The following LAMA2 variants were observed in gnomAD, a reference collection of about 807,000 sequenced individuals.
LAMA2 encodes the protein laminin subunit alpha-2.
In LAMA2, 269 loss-of-function variants were observed where a neutral mutation model predicts 364.8. The ratio of observed to expected loss-of-function variants is 0.74; its 90% CI spans 0.67 to 0.82. LAMA2 has a LOEUF of 0.82. LAMA2 is among the 40% of genes least tolerant of loss of function. The pLI, the probability that LAMA2 is intolerant of heterozygous loss-of-function variation, is 0.00. For missense variants in LAMA2, 3,807 were observed against 3,873.2 expected, an observed-to-expected ratio of 0.98 and a Z score of 0.45; for synonymous variants, 1,379 against 1,370.6, an observed-to-expected ratio of 1.01 and a Z score of -0.14.
chr6:129,251,806 G>A (rs753182013), intron 13 of LAMA2, among the ~76,000 whole-genome samples: 3 of 151,974 alleles, frequency 2.0e-5, no homozygotes, highest in Non-Finnish European at 4.4e-5. Context: ...TTGGTGGCAG[G>A]CGCCTGTAAT....
At chr6:129,104,722 C>T (rs926735592) in intron 4 of LAMA2, among the ~76,000 whole-genome samples, 38 of 152,080 alleles carry the variant, frequency 2.5e-4, no homozygotes, top group African/African-American at 9.2e-4. Flanking sequence ...TTGTTTGTTA[C>T]TCCAGTTACT....
At chr6:129,348,871 AAAT>A in intron 30 of LAMA2, among the ~76,000 whole-genome samples, 1 of 152,136 alleles carries the variant, frequency 6.6e-6, no homozygotes, top group East Asian at 1.9e-4. Context: ...TCAAGAAAAA[AAAT>A]TTATATAGAT....
Position 129,035,643 on chromosome 6 carries a change from C to T in LAMA2, c.113-14275C>T, listed in dbSNP as rs571224141. ...TTTCTTTTTATGGTTTCAGGTCTTG[C>T]ATTTAAGTCTTTAATTGATCTTGAG... On this transcript the variant is annotated intron_variant, in intron 1 of 64. Transcript: ENST00000421865. 2.7e-5 allele frequency among the ~76,000 whole-genome samples: 4 copies of T among 150,624 alleles called. No individual in the cohort carries two copies. In the South Asian group the frequency reaches 8.4e-4, roughly 31 times the overall value.
At chr6:129,320,481 A>G in intron 27 of LAMA2, 57 bp from the exon 28 acceptor site, 1 of 971,760 alleles carries the variant, frequency 1.0e-6, no homozygotes, top group Non-Finnish European at 1.7e-6. Flanking sequence ...TTGATTGTTT[A>G]CTAGGTGATC....
intron 1 of LAMA2, among the ~76,000 whole-genome samples, chr6:128,992,380 G>C (rs565618511): frequency 6.6e-6 from 1 of 152,294 alleles, no homozygotes; most frequent in East Asian, 1.9e-4. Flanking sequence ...GGAAATTTGT[G>C]ATCTCAAGAC....
intron 1 of LAMA2, among the ~76,000 whole-genome samples, chr6:128,959,194 T>C (rs775215350): frequency 8.5e-5 from 13 of 152,206 alleles, no homozygotes; most frequent in Non-Finnish European, 1.3e-4. Flanking sequence ...CTGACAGAAT[T>C]ATTAAACTCC....
intron 35 of LAMA2, among the ~76,000 whole-genome samples, chr6:129,385,116 G>A (rs1243787326): frequency 6.7e-5 from 3 of 44,812 alleles, no homozygotes; most frequent in African/African-American, 9.0e-5. Flanking sequence ...GGGAGGGAGG[G>A]AGGAGAGGGA....
intron 15 of LAMA2, among the ~76,000 whole-genome samples, chr6:129,263,395 T>C (rs1357994560): frequency 6.6e-6 from 1 of 152,120 alleles, no homozygotes; most frequent in East Asian, 1.9e-4. Context: ...AGTGGTTGTA[T>C]GAAGGTTAGA....
chr6:129,388,100 A>G (rs1779115539), intron 35 of LAMA2, among the ~76,000 whole-genome samples: 1 of 152,060 alleles, frequency 6.6e-6, no homozygotes, highest in South Asian at 2.1e-4. Context: ...TCTACTAAAA[A>G]TACAAAAATC....
At chr6:129,501,094 T>C (rs1178492464) in intron 58 of LAMA2, among the ~76,000 whole-genome samples, 1 of 152,204 alleles carries the variant, frequency 6.6e-6, no homozygotes, top group African/African-American at 2.4e-5. Context: ...TGAGGAAGAC[T>C]GCAAGCTGCG....
chr6:129,124,247 A>C (rs1307343510), intron 4 of LAMA2, among the ~76,000 whole-genome samples: 2 of 152,190 alleles, frequency 1.3e-5, no homozygotes, highest in Non-Finnish European at 2.9e-5. Flanking sequence ...AACCAGGTGC[A>C]CAGACCATCT....
intron 34 of LAMA2, among the ~76,000 whole-genome samples, chr6:129,377,668 AC>A (rs1778451232): frequency 1.3e-5 from 2 of 152,198 alleles, no homozygotes; most frequent in African/African-American, 2.4e-5. Flanking sequence ...TTAGCAGGAA[AC>A]CATATGAGTC....
intron 40 of LAMA2, among the ~76,000 whole-genome samples, chr6:129,410,311 C>T (rs1780463752): frequency 6.8e-6 from 1 of 146,280 alleles, no homozygotes; most frequent in South Asian, 2.2e-4. Context: ...CTCAACCTCT[C>T]TAGGTATGCT....
intron 1 of LAMA2, among the ~76,000 whole-genome samples, chr6:128,913,847 G>A (rs928739366): frequency 3.9e-5 from 6 of 152,042 alleles, no homozygotes; most frequent in East Asian, 3.9e-4. Flanking sequence ...AAGAAAATTC[G>A]TCTGTTATGG....
At chr6:129,316,290 A>G in intron 27 of LAMA2, 119 bp downstream of exon 27, 1 of 809,768 alleles carries the variant, frequency 1.2e-6, no homozygotes, top group Non-Finnish European at 2.0e-6. Flanking sequence ...ATAATGATAG[A>G]AGATAAACCA....
At chr6:129,427,605 C>G (rs147464769) in intron 40 of LAMA2, 147 bp from the exon 41 acceptor site, 2 of 672,618 alleles carry the variant, frequency 3.0e-6, no homozygotes, top group Admixed American at 4.6e-5. Context: ...CTTTAACTAC[C>G]GAATATGTGC....
At chr6:129,174,615 C>T (rs1417815768) in intron 9 of LAMA2, among the ~76,000 whole-genome samples, 1 of 151,984 alleles carries the variant, frequency 6.6e-6, no homozygotes, top group Non-Finnish European at 1.5e-5. Flanking sequence ...TTATATAGGA[C>T]CTAGAATTTT....
chr6:129,268,989 C>G (rs1787727952), intron 16 of LAMA2, among the ~76,000 whole-genome samples: 1 of 152,056 alleles, frequency 6.6e-6, no homozygotes, highest in Non-Finnish European at 1.5e-5. Flanking sequence ...TCAGCTGACC[C>G]TGCATTTTAG....
rs201375881 is a variant in LAMA2 at position 129,514,601 on chromosome 6, T to C, written c.9211+6T>C. ...GTTTGTTGGAGGCTTCCCAGGTGAGTGTTGGCTACCCCAGCAACAATTTCT... is the reference window on the plus strand; with the variant it reads ...GTTTGTTGGAGGCTTCCCAGGTGAGCGTTGGCTACCCCAGCAACAATTTCT... On this transcript the variant is annotated splice_donor_region_variant and intron_variant, in intron 64 of 64. Transcript: ENST00000421865. 1.7e-3 allele frequency: 2,712 copies of C among 1,607,204 alleles called. 6 individuals carry two copies. The highest frequency in any genetic ancestry group is 2.2e-3 in the Non-Finnish European group (2,627 of 1,174,048).
Sources: gnomAD v4.1 joint callset for allele counts (sites outside exome capture counted in the v4.1 genomes callset) on GRCh38, gnomAD v4.1.1 for gene constraint, MANE v1.5 for transcripts, NCBI Gene and HGNC (gene_info 2026-07-23, HGNC 2026-07-21) for gene names.